The following SSBP3 variants were observed in gnomAD, a reference collection of about 807,000 sequenced individuals.
SSBP3 encodes single stranded DNA binding protein 3.
In SSBP3, 5 loss-of-function variants were observed where a neutral mutation model predicts 69.6. The observed-to-expected ratio is 0.07, with a 90% CI of 0.04 to 0.15. The LOEUF (loss-of-function observed/expected upper bound fraction) is 0.15, where lower values mean the gene tolerates loss of function less well. SSBP3 is among the 10% of genes least tolerant of loss of function. The probability of loss-of-function intolerance (pLI) is 1.00; values close to 1 mark genes in which losing one functional copy is unlikely to be tolerated. For synonymous variants in SSBP3, 196 were observed against 193.4 expected (o/e 1.01, Z -0.11); for missense variants, 312 against 534.0 (o/e 0.58, Z 4.10).
In SSBP3 at chr1:54,327,202, C is replaced by G. The variant is rs1039458908; in HGVS notation, c.277-45675G>C. ...CCTTCTCCCGCTTCCTAATGCTCAA[C>G]AGGAAAGAGAGGGAAAAGGAAGGAA... On this transcript the variant is annotated intron_variant, in intron 4 of 17. Transcript: ENST00000610401. 8.2e-5 allele frequency among the ~76,000 whole-genome samples: 11 copies of G among 134,456 alleles called. 1 individual carries two copies. The highest frequency in any genetic ancestry group is 4.6e-4 in the Admixed American group (6 of 13,024). The allele number at this position is 134,456 out of a possible 152,430, so 88.2% of individuals were successfully genotyped here.
Position 54,233,526 on chromosome 1 carries a change from G to A in SSBP3, c.928-4700C>T, listed in dbSNP as rs1470881065. Among the ~76,000 whole-genome samples the A allele has an allele frequency of 1.4e-3, 205 of 147,196 alleles. 2 individuals carry two copies. The highest frequency in any genetic ancestry group is 2.5e-3 in the African/African-American group (100 of 39,734). On this transcript the variant is annotated intron_variant, in intron 14 of 17. Coordinates refer to ENST00000610401, the Ensembl canonical transcript of SSBP3. ...CCCCGCCCGGCCAGCCGCCCCGTCC[G>A]GGAGGGAGGTGGGGGGGGTAAGCCC... is the stretch of plus-strand genomic sequence containing the variant.
intron 5 of SSBP3, among the ~76,000 whole-genome samples, chr1:54,280,825 C>A (rs906975734): frequency 2.0e-5 from 3 of 152,158 alleles, no homozygotes; most frequent in Non-Finnish European, 4.4e-5. Context: ...TTGGAGAAGG[C>A]CAGACTCTCG....
At chr1:54,347,193 C>T (rs1002669345) in intron 4 of SSBP3, among the ~76,000 whole-genome samples, 2 of 152,070 alleles carry the variant, frequency 1.3e-5, no homozygotes, top group African/African-American at 4.8e-5. Flanking sequence ...GTCTTGAATT[C>T]CTGACTTCAA....
intron 4 of SSBP3, among the ~76,000 whole-genome samples, chr1:54,359,238 T>C (rs1322613989): frequency 4.3e-5 from 6 of 139,558 alleles, no homozygotes; most frequent in African/African-American, 1.0e-4. Context: ...AAAGCTGTCA[T>C]AGGAAGAAGT....
intron 5 of SSBP3, among the ~76,000 whole-genome samples, chr1:54,261,350 G>C (rs1296638839): frequency 6.6e-6 from 1 of 152,208 alleles, no homozygotes; most frequent in Non-Finnish European, 1.5e-5. Context: ...GAGATCCACA[G>C]GTAGGTTTGA....
intron 5 of SSBP3, among the ~76,000 whole-genome samples, chr1:54,271,997 CGACCTCAGGTGATCT>C (rs1026763008): frequency 5.9e-5 from 9 of 151,966 alleles, no homozygotes; most frequent in Admixed American, 2.6e-4. Context: ...CTCGAACTCC[CGACCTCAGGTGATCT>C]GCCCACCTTG....
At chr1:54,237,839 G>C in intron 14 of SSBP3, 5 of 312,638 alleles carry the variant, frequency 1.6e-5, no homozygotes, top group South Asian at 8.7e-5. Context: ...TGCAGCGTGC[G>C]GAGTTGCAGC....
At chr1:54,268,852 C>A (rs962314493) in intron 5 of SSBP3, among the ~76,000 whole-genome samples, 1 of 152,140 alleles carries the variant, frequency 6.6e-6, no homozygotes, top group African/African-American at 2.4e-5. Context: ...GCAAACTTGA[C>A]GGAAAATGAG....
chr1:54,359,183 T>C (rs1646914157), intron 4 of SSBP3, among the ~76,000 whole-genome samples: 1 of 135,180 alleles, frequency 7.4e-6, no homozygotes, highest in African/African-American at 2.8e-5. Flanking sequence ...GAGACATATA[T>C]GAGTTGCTAT....
chr1:54,257,895 C>T (rs1418584599), intron 6 of SSBP3, among the ~76,000 whole-genome samples, 174 bp downstream of exon 6: 1 of 152,096 alleles, frequency 6.6e-6, no homozygotes, highest in African/African-American at 2.4e-5. Context: ...GTGTGATATC[C>T]GAGGACTGAA....
chr1:54,265,043 C>T (rs1040254501), intron 5 of SSBP3, among the ~76,000 whole-genome samples: 22 of 152,170 alleles, frequency 1.4e-4, no homozygotes, highest in Admixed American at 6.5e-4. Context: ...ATCCAATTTG[C>T]TCCTTGGTCC....
At chr1:54,374,342 G>A (rs550183754) in intron 4 of SSBP3, among the ~76,000 whole-genome samples, 1 of 152,206 alleles carries the variant, frequency 6.6e-6, no homozygotes, top group Non-Finnish European at 1.5e-5. Context: ...CCGGGAAGAC[G>A]ACTCTGAGCA....
intron 4 of SSBP3, among the ~76,000 whole-genome samples, chr1:54,284,100 C>A: frequency 7.2e-6 from 1 of 138,656 alleles, no homozygotes. Flanking sequence ...CATTATTTAA[C>A]CACTTTTTTT....
intron 5 of SSBP3, among the ~76,000 whole-genome samples, chr1:54,262,854 T>C (rs1645039567): frequency 6.6e-6 from 1 of 151,868 alleles, no homozygotes; most frequent in South Asian, 2.1e-4. Flanking sequence ...TGGGGGAAAA[T>C]CCCCACTCCT....
intron 5 of SSBP3, among the ~76,000 whole-genome samples, chr1:54,273,382 A>G (rs1005610756): frequency 1.3e-5 from 2 of 151,986 alleles, no homozygotes; most frequent in African/African-American, 4.8e-5. Context: ...TTTTTTTCCT[A>G]TTTAAGAGGG....
intron 4 of SSBP3, among the ~76,000 whole-genome samples, chr1:54,282,894 C>T (rs922587505): frequency 2.6e-5 from 4 of 152,226 alleles, no homozygotes; most frequent in Admixed American, 6.5e-5. Flanking sequence ...GGAAACAGAA[C>T]GCCTTTTTTC....
At chr1:54,229,502 G>C (rs1644345426) in intron 14 of SSBP3, among the ~76,000 whole-genome samples, 1 of 152,240 alleles carries the variant, frequency 6.6e-6, no homozygotes, top group African/African-American at 2.4e-5. Context: ...CCCTGGGACT[G>C]TGGGGTGGTG....
At chr1:54,401,817 T>G in intron 4 of SSBP3, 44 bp downstream of exon 4, 1 of 1,551,050 alleles carries the variant, frequency 6.4e-7, no homozygotes, top group Non-Finnish European at 8.9e-7. Flanking sequence ...GTTAGAGCTA[T>G]CCAACCCTAT....
At chr1:54,301,638 T>A (rs6687285) in intron 4 of SSBP3, among the ~76,000 whole-genome samples, 8 of 152,264 alleles carry the variant, frequency 5.3e-5, no homozygotes, top group Middle Eastern at 3.4e-3. Context: ...GAAGAACAAA[T>A]GGGAAGGGGG....
Sources: gnomAD v4.1 joint callset for allele counts (sites outside exome capture counted in the v4.1 genomes callset) on GRCh38, gnomAD v4.1.1 for gene constraint, MANE v1.5 for transcripts, NCBI Gene and HGNC (gene_info 2026-07-23, HGNC 2026-07-21) for gene names.